SNTB1: variants seen among roughly 807,000 people sequenced by gnomAD.
SNTB1 encodes the protein beta-1-syntrophin.
SNTB1 carries 36 observed loss-of-function variants against 48.9 expected under a neutral mutation model. The observed-to-expected ratio is 0.74, with a 90% CI of 0.56 to 0.97. The LOEUF (loss-of-function observed/expected upper bound fraction) is 0.97. Ranked by LOEUF, SNTB1 falls within the 50% of genes least tolerant of loss-of-function variation. The pLI is 0.00. For synonymous variants in SNTB1, 299 were observed against 294.6 expected, an observed-to-expected ratio of 1.01 and a Z score of -0.15; for missense variants, 786 against 703.4, an observed-to-expected ratio of 1.12 and a Z score of -1.33.
At position 120,693,880 on chromosome 8, in the gene SNTB1, A is replaced by G. The variant is rs1422966535; in HGVS notation, c.600T>C (p.Tyr200=). 6.2e-7 allele frequency: 1 copy of G among 1,614,006 alleles called. No homozygotes were observed. The highest frequency in any genetic ancestry group is 8.5e-7 in the Non-Finnish European group (1 of 1,179,998). The change falls in exon 2 of 7, where the codon TAT becomes TAC. Residue 200 remains tyrosine, a synonymous_variant. Coordinates refer to ENST00000517992, the MANE Select transcript of SNTB1 (RefSeq NM_021021.4). ...CGGATACTGGGGATCCTTTCTTCAC[A>G]TAGGGCGTGGCTTCTCGCATGTACT... The part of the protein sequence containing the change: ...EVKYMREATP[Y]VKKGSPVSEI...
chr8:120,686,015 C>T (rs1177158921), intron 2 of SNTB1, among the ~76,000 whole-genome samples: 1 of 152,226 alleles, frequency 6.6e-6, no homozygotes, highest in Non-Finnish European at 1.5e-5. Context: ...CCATCTGAGA[C>T]CTAATCAGAA....
At chr8:120,595,367 C>T (rs975927777) in intron 3 of SNTB1, among the ~76,000 whole-genome samples, 1 of 152,146 alleles carries the variant, frequency 6.6e-6, no homozygotes, top group African/African-American at 2.4e-5. Flanking sequence ...ACAAGAGTGA[C>T]CTCTGGTCAT....
At chr8:120,706,400 A>T (rs1818376154) in intron 1 of SNTB1, among the ~76,000 whole-genome samples, 1 of 152,190 alleles carries the variant, frequency 6.6e-6, no homozygotes, top group African/African-American at 2.4e-5. Flanking sequence ...GAAAAGGCAT[A>T]GAAACCTAAA....
rs757416581 is a variant in SNTB1 at position 120,693,867 on chromosome 8, A to G, written c.613T>C (p.Ser205Pro). The change falls in exon 2 of 7, where the codon TCC (serine) becomes CCC (proline). Residue 205 changes from serine to proline, a missense_variant. Physicochemically the swap from Ser to Pro is moderately conservative, Grantham distance 74. Coordinates refer to ENST00000517992, the MANE Select transcript of SNTB1 (RefSeq NM_021021.4). ...TCCCACCCAATCTCGGATACTGGGG[A>G]TCCTTTCTTCACATAGGGCGTGGCT... ...REATPYVKKG[S>P]PVSEIGWETP... 1.9e-6 allele frequency: 3 copies of G among 1,614,136 alleles called. No individual in the cohort carries two copies. Among genetic ancestry groups the G allele is most frequent in the Non-Finnish European group, 2.5e-6 (3 of 1,180,006 alleles).
intron 1 of SNTB1, among the ~76,000 whole-genome samples, chr8:120,759,025 C>T (rs1474094876): frequency 6.6e-6 from 1 of 152,048 alleles, no homozygotes; most frequent in Non-Finnish European, 1.5e-5. Flanking sequence ...CCACCCTCAG[C>T]CTCCCAAAGT....
At chr8:120,707,836 T>C (rs1345874219) in intron 1 of SNTB1, among the ~76,000 whole-genome samples, 1 of 152,096 alleles carries the variant, frequency 6.6e-6, no homozygotes, top group African/African-American at 2.4e-5. Flanking sequence ...ATGAGCTAGA[T>C]TATTGCAGTT....
intron 4 of SNTB1, among the ~76,000 whole-genome samples, chr8:120,555,120 T>G (rs898777229): frequency 2.0e-5 from 3 of 152,092 alleles, no homozygotes; most frequent in Non-Finnish European, 2.9e-5. Flanking sequence ...TTGGAAATGG[T>G]GAAGTGGCTA....
intron 1 of SNTB1, among the ~76,000 whole-genome samples, chr8:120,734,255 C>G (rs913692378): frequency 6.6e-6 from 1 of 151,938 alleles, no homozygotes; most frequent in Non-Finnish European, 1.5e-5. Context: ...ACCAGCCTGG[C>G]CAATATGGTG....
chr8:120,659,070 TCTCCTGCCTTAGC>T (rs1817544918), intron 2 of SNTB1, among the ~76,000 whole-genome samples: 1 of 152,024 alleles, frequency 6.6e-6, no homozygotes, highest in African/African-American at 2.4e-5. Flanking sequence ...TTTAAGTGAT[TCTCCTGCCTTAGC>T]CTCCTAAGTA....
chr8:120,786,526 T>G (rs1306286935), intron 1 of SNTB1, among the ~76,000 whole-genome samples: 2 of 152,136 alleles, frequency 1.3e-5, no homozygotes, highest in Admixed American at 1.3e-4. Flanking sequence ...TAGACAGCCT[T>G]TCTGGAACAC....
At chr8:120,701,641 C>T (rs1198365911) in intron 1 of SNTB1, among the ~76,000 whole-genome samples, 2 of 152,202 alleles carry the variant, frequency 1.3e-5, no homozygotes, top group African/African-American at 4.8e-5. Context: ...AGATTATGTT[C>T]TCAAGTTACT....
intron 3 of SNTB1, among the ~76,000 whole-genome samples, chr8:120,622,137 A>C (rs1457865415): frequency 2.0e-5 from 3 of 152,120 alleles, no homozygotes; most frequent in Non-Finnish European, 4.4e-5. Flanking sequence ...ACACATGGAG[A>C]AATATTTTAG....
intron 1 of SNTB1, among the ~76,000 whole-genome samples, chr8:120,701,922 T>C: frequency 6.6e-6 from 1 of 152,346 alleles, no homozygotes; most frequent in Non-Finnish European, 1.5e-5. Flanking sequence ...TATCTCAAAA[T>C]TGTCCTATTT....
intron 2 of SNTB1, among the ~76,000 whole-genome samples, chr8:120,634,214 A>G (rs1326439949): frequency 6.6e-6 from 1 of 152,244 alleles, no homozygotes; most frequent in Non-Finnish European, 1.5e-5. Flanking sequence ...TCATGTTTAC[A>G]TTAGAAAGAT....
At chr8:120,683,797 A>T (rs1184628894) in intron 2 of SNTB1, among the ~76,000 whole-genome samples, 2 of 152,156 alleles carry the variant, frequency 1.3e-5, no homozygotes, top group Admixed American at 1.3e-4. Context: ...AGAGAAAAAA[A>T]AGTCCCCTTT....
chr8:120,780,190 A>C (rs73325104), intron 1 of SNTB1, among the ~76,000 whole-genome samples: 5,908 of 152,188 alleles, frequency 0.039, 159 homozygotes, highest in South Asian at 0.09. Flanking sequence ...GCTGGTATGC[A>C]GCAGAAAGTG....
In SNTB1 at chr8:120,643,871, C is replaced by T. The variant is rs149458416; in HGVS notation, c.789-11220G>A. On this transcript the variant is annotated intron_variant, in intron 2 of 6. Coordinates refer to ENST00000517992, the MANE Select transcript of SNTB1 (RefSeq NM_021021.4). ...TTTCCATAGTGGTTTTACTAGTTTA[C>T]ATTCCCACCAGCAGACACACCATGA... 5.5e-3 allele frequency among the ~76,000 whole-genome samples: 844 copies of T among 152,310 alleles called. 5 individuals carry two copies. Among genetic ancestry groups the T allele is most frequent in the African/African-American group, 0.019 (797 of 41,560 alleles).
chr8:120,560,973 T>C (rs555030327), intron 4 of SNTB1, among the ~76,000 whole-genome samples: 4 of 152,190 alleles, frequency 2.6e-5, no homozygotes, highest in Admixed American at 1.3e-4. Context: ...GTCCATACTC[T>C]TTCTATCACA....
chr8:120,671,299 A>G (rs1397808178), intron 2 of SNTB1, among the ~76,000 whole-genome samples: 1 of 152,222 alleles, frequency 6.6e-6, no homozygotes, highest in Non-Finnish European at 1.5e-5. Context: ...TCAGAATGCA[A>G]CCTTATTTGG....
Sources: allele counts gnomAD v4.1 joint callset (sites outside exome capture counted in the v4.1 genomes callset), GRCh38; gene constraint gnomAD v4.1.1; transcripts MANE v1.5; gene names NCBI Gene and HGNC (gene_info 2026-07-23, HGNC 2026-07-21).